CFAP43: variants seen among roughly 807,000 people sequenced by gnomAD.
CFAP43 encodes cilia- and flagella-associated protein 43.
Under a neutral mutation model 218.9 loss-of-function variants are expected in CFAP43, and 155 were observed. That is an observed-to-expected ratio of 0.71 (90% CI 0.62 to 0.81). The LOEUF (loss-of-function observed/expected upper bound fraction) is 0.81. Among genes scored for constraint, CFAP43 ranks in the 30% least tolerant of loss-of-function variants. The pLI, the probability that CFAP43 is intolerant of heterozygous loss-of-function variation, is 0.00. For missense variants in CFAP43, 1,778 were observed against 1,954.3 expected (o/e 0.91, Z 1.70); for synonymous variants, 645 against 681.3 (o/e 0.95, Z 0.83).
intron 37 of CFAP43, among the ~76,000 whole-genome samples, chr10:104,130,998 C>CAAAAAA (rs1163188252): frequency 1.9e-3 from 105 of 56,374 alleles, no homozygotes; most frequent in Non-Finnish European, 2.7e-3. Flanking sequence ...CACCCTGTCT[C>CAAAAAA]AAAAAAAAAA....
chr10:104,185,885 A>G, intron 15 of CFAP43, 89 bp downstream of exon 15: 5 of 1,231,134 alleles, frequency 4.1e-6, no homozygotes, highest in Non-Finnish European at 5.5e-6. Flanking sequence ...TTATGCATAT[A>G]TAAGCAAATT....
rs772624094 is a variant in CFAP43, at chr10:104,132,078, A to T, written c.4677+38T>A. Reference sequence around the variant, plus strand: ...TATTACTTTGCTCAAATGATTTACAACTGTTAGGATATAATAACCAACGTC... The same window carrying T: ...TATTACTTTGCTCAAATGATTTACATCTGTTAGGATATAATAACCAACGTC... On this transcript the variant is annotated intron_variant, in intron 36 of 37. Coordinates refer to ENST00000357060, the MANE Select transcript of CFAP43 (RefSeq NM_025145.7). The T allele has an allele frequency of 8.4e-6, 12 of 1,435,366 alleles. No homozygotes were observed. The East Asian group carries it at 2.5e-4, about 30-fold the overall frequency. 88.9% of individuals were successfully genotyped at this position (1,435,366 alleles called of 1,614,324 possible). A position where few individuals can be genotyped will look rare whatever the true frequency, so the allele number is the denominator to read the frequency against.
intron 16 of CFAP43, among the ~76,000 whole-genome samples, chr10:104,184,385 C>G (rs909865402): frequency 6.6e-6 from 1 of 151,610 alleles, no homozygotes; most frequent in African/African-American, 2.4e-5. Context: ...TTAAAGTTAT[C>G]TGAGGGTCAG....
chr10:104,165,686 T>C (rs2089118369), intron 23 of CFAP43, among the ~76,000 whole-genome samples: 1 of 141,032 alleles, frequency 7.1e-6, no homozygotes, highest in South Asian at 2.1e-4. Context: ...CTAAGACTGT[T>C]TGGTGGAAAG....
chr10:104,183,480 C>G (rs2089923808), intron 16 of CFAP43, among the ~76,000 whole-genome samples: 1 of 151,478 alleles, frequency 6.6e-6, no homozygotes, highest in South Asian at 2.1e-4. Flanking sequence ...AGCTCCGCTT[C>G]CCGGGTTCAC....
chr10:104,157,014 C>G (rs1564732600), intron 27 of CFAP43, among the ~76,000 whole-genome samples: 1 of 152,120 alleles, frequency 6.6e-6, no homozygotes, highest in African/African-American at 2.4e-5. Flanking sequence ...TCAGAGGTCT[C>G]ACCATCTTAA....
At position 104,129,964 on chromosome 10, in the gene CFAP43, G is replaced by A; in HGVS notation, c.*175C>T. 1 of 662,682 alleles carries A rather than the reference G, an allele frequency of 1.5e-6. No homozygotes were observed. The highest frequency in any genetic ancestry group is 2.7e-5 in the South Asian group (1 of 36,848). 41.1% of individuals were successfully genotyped at this position (662,682 alleles called of 1,614,324 possible). ...GGTATTTTACACATTTATTCATGCAGGACAAAAATTTGTATACAATTAAGG... is the reference window on the plus strand; with the variant it reads ...GGTATTTTACACATTTATTCATGCAAGACAAAAATTTGTATACAATTAAGG... On this transcript the variant is annotated 3_prime_UTR_variant, in exon 38 of 38. Transcript: ENST00000357060.
intron 7 of CFAP43, among the ~76,000 whole-genome samples, chr10:104,205,651 G>A (rs541087806): frequency 6.6e-6 from 1 of 152,170 alleles, no homozygotes; most frequent in East Asian, 1.9e-4. Flanking sequence ...TACATTAAGT[G>A]TAGAAATGAG....
intron 3 of CFAP43, among the ~76,000 whole-genome samples, chr10:104,215,291 G>C (rs2134980883): frequency 6.6e-6 from 1 of 152,246 alleles, no homozygotes; most frequent in Admixed American, 6.5e-5. Flanking sequence ...AATTAAATGT[G>C]AGCTATGCCC....
intron 37 of CFAP43, among the ~76,000 whole-genome samples, chr10:104,131,018 A>C (rs927985676): frequency 1.3e-5 from 2 of 150,602 alleles, no homozygotes; most frequent in Admixed American, 6.6e-5. Flanking sequence ...AAAAAAAAAA[A>C]AAAGAAAAGA....
rs188158141 is a variant in CFAP43, at chr10:104,227,385, A to G, written c.320-1828T>C. ...TCACAGAAAGACTCTATCAATTTATAGTCCCACCTTCAGCAAATAAGAGTG... is the reference window on the plus strand; with the variant it reads ...TCACAGAAAGACTCTATCAATTTATGGTCCCACCTTCAGCAAATAAGAGTG... On this transcript the variant is annotated intron_variant, in intron 2 of 37. Coordinates refer to ENST00000357060, the MANE Select transcript of CFAP43 (RefSeq NM_025145.7). 2.6e-5 allele frequency among the ~76,000 whole-genome samples: 4 copies of G among 152,384 alleles called. No homozygotes were observed. In the East Asian group the frequency reaches 5.8e-4, roughly 22 times the overall value.
chr10:104,173,329 T>C (rs917632905), intron 19 of CFAP43, among the ~76,000 whole-genome samples: 3 of 152,116 alleles, frequency 2.0e-5, no homozygotes, highest in Non-Finnish European at 2.9e-5. Flanking sequence ...ATGAAAACTA[T>C]AACAACTGAA....
At chr10:104,230,964 A>C in intron 1 of CFAP43, 121 bp from the exon 2 acceptor site, 2 of 1,094,192 alleles carry the variant, frequency 1.8e-6, no homozygotes, top group South Asian at 1.9e-5. Flanking sequence ...TTCTGCCCCC[A>C]ATTTCTAAGA....
intron 1 of CFAP43, among the ~76,000 whole-genome samples, 193 bp from the exon 2 acceptor site, chr10:104,231,036 T>C (rs1397940497): frequency 2.0e-5 from 3 of 152,214 alleles, no homozygotes; most frequent in South Asian, 2.1e-4. Flanking sequence ...GAAATTTAAA[T>C]GTAGACCTAA....
chr10:104,135,181 A>G (rs2087382101), intron 34 of CFAP43, among the ~76,000 whole-genome samples: 2 of 133,802 alleles, frequency 1.5e-5, no homozygotes, highest in African/African-American at 7.4e-5. Context: ...GCACACTTCA[A>G]TGATTAAAAA....
chr10:104,217,340 CTTTCTTTCTTTCTTTTTCT>C (rs955167641), intron 3 of CFAP43, among the ~76,000 whole-genome samples: 17 of 119,742 alleles, frequency 1.4e-4, no homozygotes, highest in Non-Finnish European at 2.7e-4. Flanking sequence ...CTTTTCTTTT[CTTTCTTTCTTTCTTTTTCT>C]TTCTTTTTGA....
At chr10:104,158,520 C>T (rs2088697162) in intron 27 of CFAP43, among the ~76,000 whole-genome samples, 1 of 151,990 alleles carries the variant, frequency 6.6e-6, no homozygotes, top group Admixed American at 6.6e-5. Flanking sequence ...AAAAAATAAG[C>T]CTCGATTTTT....
chr10:104,202,275 A>C (rs752379338), intron 8 of CFAP43, among the ~76,000 whole-genome samples: 9 of 152,146 alleles, frequency 5.9e-5, no homozygotes, highest in African/African-American at 1.2e-4. Context: ...AATTCCTTAG[A>C]AGTAATCTGT....
At chr10:104,222,194 T>A (rs1346447297) in intron 3 of CFAP43, among the ~76,000 whole-genome samples, 1 of 152,178 alleles carries the variant, frequency 6.6e-6, no homozygotes, top group Admixed American at 6.5e-5. Context: ...GAACTTTTAC[T>A]AAATTATTTC....
Sources: gnomAD v4.1 joint callset for allele counts (sites outside exome capture counted in the v4.1 genomes callset) on GRCh38, gnomAD v4.1.1 for gene constraint, MANE v1.5 for transcripts, NCBI Gene and HGNC (gene_info 2026-07-23, HGNC 2026-07-21) for gene names.